The following LHFPL6 variants were observed in gnomAD, a reference collection of about 807,000 sequenced individuals.
LHFPL6 encodes the protein LHFPL tetraspan subfamily member 6 protein.
LHFPL6 carries 9 observed loss-of-function variants against 20.6 expected under a neutral mutation model. The ratio of observed to expected loss-of-function variants is 0.44; its 90% confidence interval spans 0.26 to 0.76. The LOEUF (loss-of-function observed/expected upper bound fraction) is 0.76, where lower values mean the gene tolerates loss of function less well. Ranked by LOEUF, LHFPL6 falls within the 30% of genes least tolerant of loss-of-function variation. The pLI, the probability that LHFPL6 is intolerant of heterozygous loss-of-function variation, is 0.20. For synonymous variants in LHFPL6, 105 were observed against 98.7 expected, an observed-to-expected ratio of 1.06 and a Z score of -0.38; for missense variants, 218 against 253.5, an observed-to-expected ratio of 0.86 and a Z score of 0.95.
intron 2 of LHFPL6, among the ~76,000 whole-genome samples, chr13:39,589,008 G>A (rs1249115246): frequency 3.3e-5 from 5 of 152,180 alleles, no homozygotes; most frequent in Non-Finnish European, 5.9e-5. Flanking sequence ...GACCCATGGA[G>A]GGTAATTATT....
At chr13:39,358,051 A>C (rs1051106658) in intron 3 of LHFPL6, among the ~76,000 whole-genome samples, 2 of 152,194 alleles carry the variant, frequency 1.3e-5, no homozygotes, top group Non-Finnish European at 2.9e-5. Flanking sequence ...AAAAATTCTA[A>C]AATTCGTATG....
chr13:39,565,065 G>A (rs1009542326), intron 2 of LHFPL6, among the ~76,000 whole-genome samples: 1 of 152,102 alleles, frequency 6.6e-6, no homozygotes, highest in Non-Finnish European at 1.5e-5. Context: ...ATGGAAGACC[G>A]ATCTCCAAAG....
chr13:39,348,723 G>A (rs1305766166), intron 3 of LHFPL6, among the ~76,000 whole-genome samples: 2 of 152,098 alleles, frequency 1.3e-5, no homozygotes, highest in African/African-American at 4.8e-5. Context: ...CAGAAGCTAA[G>A]CCACCCCACC....
At chr13:39,369,606 T>TTCCTTC (rs1870112579) in intron 3 of LHFPL6, among the ~76,000 whole-genome samples, 1 of 4,240 alleles carries the variant, frequency 2.4e-4, no homozygotes, top group African/African-American at 5.1e-4. Context: ...TTCCTCCCTC[T>TTCCTTC]CTCCCTCCCT....
intron 2 of LHFPL6, among the ~76,000 whole-genome samples, chr13:39,446,838 T>C (rs1872304802): frequency 6.6e-6 from 1 of 152,166 alleles, no homozygotes; most frequent in South Asian, 2.1e-4. Flanking sequence ...CTTTAATTTG[T>C]CCATATCCAA....
At chr13:39,564,380 T>C (rs1033932844) in intron 2 of LHFPL6, among the ~76,000 whole-genome samples, 2 of 152,216 alleles carry the variant, frequency 1.3e-5, no homozygotes, top group Non-Finnish European at 2.9e-5. Flanking sequence ...GTATGTGCTC[T>C]CTATCTCAAA....
intron 2 of LHFPL6, among the ~76,000 whole-genome samples, chr13:39,590,673 G>C (rs1342380068): frequency 1.3e-5 from 2 of 152,138 alleles, no homozygotes; most frequent in Non-Finnish European, 2.9e-5. Flanking sequence ...TGCATCTCAC[G>C]ATATTTACAT....
chr13:39,583,102 A>C (rs1872338853), intron 2 of LHFPL6, among the ~76,000 whole-genome samples: 1 of 152,058 alleles, frequency 6.6e-6, no homozygotes, highest in Non-Finnish European at 1.5e-5. Context: ...TTATACACCT[A>C]ATTGCAAAAA....
At chr13:39,420,080 G>A (rs752237380) in intron 2 of LHFPL6, among the ~76,000 whole-genome samples, 3 of 152,068 alleles carry the variant, frequency 2.0e-5, no homozygotes, top group South Asian at 4.1e-4. Flanking sequence ...TGGCCTTTAC[G>A]CTAACAGGCA....
intron 2 of LHFPL6, among the ~76,000 whole-genome samples, chr13:39,542,096 T>TATAATAATAATA (rs5802996): frequency 0.051 from 6,977 of 137,020 alleles, 218 homozygotes; most frequent in Non-Finnish European, 0.065. Context: ...ATCTCAAAAA[T>TATAATAATAATA]ATAATAATAA....
chr13:39,475,410 T>C (rs114153202), intron 2 of LHFPL6, among the ~76,000 whole-genome samples: 4,265 of 151,562 alleles, frequency 0.028, 195 homozygotes, highest in African/African-American at 0.098. Flanking sequence ...ATTCTTTCCA[T>C]TTGATTTACT....
chr13:39,596,855 C>T (rs1033058599), intron 2 of LHFPL6, among the ~76,000 whole-genome samples: 12 of 152,060 alleles, frequency 7.9e-5, no homozygotes, highest in Admixed American at 4.6e-4. Flanking sequence ...AAAAGCATAA[C>T]GTGGCATATC....
At chr13:39,382,510 C>T (rs1870469612) in intron 2 of LHFPL6, among the ~76,000 whole-genome samples, 1 of 152,094 alleles carries the variant, frequency 6.6e-6, no homozygotes, top group Non-Finnish European at 1.5e-5. Context: ...CTGCCTCAGC[C>T]TCCTGGGTAG....
chr13:39,562,342 A>G (rs978280038), intron 2 of LHFPL6, among the ~76,000 whole-genome samples: 3 of 147,684 alleles, frequency 2.0e-5, no homozygotes, highest in African/African-American at 5.0e-5. Context: ...GTGTGTGTGT[A>G]TATATATACA....
rs891736376 is a variant in LHFPL6 at position 39,504,224 on chromosome 13, C to T, written c.385+96608G>A. The stretch of plus-strand genomic sequence containing the variant: ...CACAATGTTTTATAAATTTTCCTTT[C>T]AAAACTTAAATGGGAAGGACTGGTA... On this transcript the variant is annotated intron_variant, in intron 2 of 3. Transcript: ENST00000379589. Among the ~76,000 whole-genome samples the T allele has an allele frequency of 2.0e-5, 3 of 152,070 alleles. No homozygotes were observed. The South Asian group carries it at 6.2e-4, about 31-fold the overall frequency.
intron 2 of LHFPL6, among the ~76,000 whole-genome samples, chr13:39,465,319 T>C (rs998051962): frequency 6.6e-6 from 1 of 152,156 alleles, no homozygotes; most frequent in Non-Finnish European, 1.5e-5. Context: ...CAACCTATCA[T>C]TAACAAGACA....
chr13:39,423,575 C>T (rs886904536), intron 2 of LHFPL6, among the ~76,000 whole-genome samples: 1 of 152,126 alleles, frequency 6.6e-6, no homozygotes, highest in Non-Finnish European at 1.5e-5. Flanking sequence ...AGGCACCTAC[C>T]ACCATGGCTG....
At chr13:39,527,206 G>C (rs529428460) in intron 2 of LHFPL6, among the ~76,000 whole-genome samples, 9 of 152,192 alleles carry the variant, frequency 5.9e-5, no homozygotes, top group African/African-American at 1.9e-4. Context: ...CTTACTGAAT[G>C]ATGACTGTAA....
At chr13:39,455,016 C>A (rs7325544) in intron 2 of LHFPL6, among the ~76,000 whole-genome samples, 14,221 of 151,620 alleles carry the variant, frequency 0.094, 1,259 homozygotes, top group East Asian at 0.51. Context: ...GCCATTCCAC[C>A]CTGTGAGGGT....
Sources: allele counts gnomAD v4.1 joint callset (sites outside exome capture counted in the v4.1 genomes callset), GRCh38; gene constraint gnomAD v4.1.1; transcripts MANE v1.5; gene names NCBI Gene and HGNC (gene_info 2026-07-23, HGNC 2026-07-21).